Variants in PTPN2 observed in about 807,000 individuals in gnomAD.
PTPN2 encodes tyrosine-protein phosphatase non-receptor type 2.
A neutral mutation model predicts 57.3 loss-of-function variants in PTPN2; 19 were observed. The observed-to-expected ratio is 0.33, with a 90% confidence interval of 0.23 to 0.49. The LOEUF (loss-of-function observed/expected upper bound fraction) is 0.49, where lower values mean the gene tolerates loss of function less well. PTPN2 is among the 20% of genes least tolerant of loss of function. PTPN2 has a pLI of 0.99. For missense variants in PTPN2, 358 were observed against 501.1 expected (o/e 0.71, Z 2.73); for synonymous variants, 153 against 164.9 (o/e 0.93, Z 0.55).
intron 1 of PTPN2, among the ~76,000 whole-genome samples, chr18:12,870,439 GTGTAT>G (rs2044205818): frequency 3.3e-5 from 1 of 30,368 alleles, no homozygotes; most frequent in Non-Finnish European, 4.6e-5. Context: ...ATATATATAT[GTGTAT>G]ATATATATAT....
intron 5 of PTPN2, 101 bp from the exon 6 acceptor site, chr18:12,817,466 T>C (rs1322185930): frequency 9.4e-6 from 8 of 849,962 alleles, no homozygotes; most frequent in Non-Finnish European, 1.5e-5. Flanking sequence ...TAAAGCCATA[T>C]AGGCTGTTTA....
In PTPN2 at chr18:12,807,098, C is replaced by T. The variant is rs571671054; in HGVS notation, c.859-4947G>A. Among the ~76,000 whole-genome samples the T allele has an allele frequency of 4.5e-4, 69 of 152,022 alleles. No homozygotes were observed. The South Asian group carries it at 0.014, about 30-fold the overall frequency. On this transcript the variant is annotated intron_variant, in intron 7 of 8. Transcript: ENST00000309660. ...AAACAAAATTCAATAGCAGAAAACA[C>T]AAGTAATCCAATTAAAAATAGGTAA... is the stretch of plus-strand genomic sequence containing the variant.
chr18:12,829,003 T>G (rs543889521), intron 4 of PTPN2, among the ~76,000 whole-genome samples: 3 of 152,258 alleles, frequency 2.0e-5, no homozygotes, highest in African/African-American at 7.2e-5. Context: ...CCTCAAGTGA[T>G]CCTCCTGCCT....
intron 7 of PTPN2, among the ~76,000 whole-genome samples, chr18:12,804,304 A>AAG (rs2041547546): frequency 2.0e-5 from 3 of 150,650 alleles, no homozygotes; most frequent in Admixed American, 6.6e-5. Flanking sequence ...AAAAAAAAAA[A>AAG]AAAAAGAAAA....
At chr18:12,813,186 AT>A (rs2041956028) in intron 7 of PTPN2, among the ~76,000 whole-genome samples, 1 of 152,148 alleles carries the variant, frequency 6.6e-6, no homozygotes, top group Non-Finnish European at 1.5e-5. Context: ...TGAACTCCAG[AT>A]TTAAGTTGGT....
Position 12,884,220 on chromosome 18 carries a change from T to A in PTPN2, c.-79A>T. 1 of 1,169,892 alleles carries A rather than the reference T, an allele frequency of 8.5e-7. No homozygotes were observed. Among genetic ancestry groups the A allele is most frequent in the Non-Finnish European group, 1.1e-6 (1 of 874,764 alleles). 72.5% of individuals were successfully genotyped at this position (1,169,892 alleles called of 1,614,324 possible). A position where few individuals can be genotyped will look rare whatever the true frequency, so the allele number is the denominator to read the frequency against. On this transcript the variant is annotated 5_prime_UTR_variant, in exon 1 of 9. Coordinates refer to ENST00000309660, the MANE Select transcript of PTPN2 (RefSeq NM_002828.4). ...GCCCCGCACGATCCGGGGAGAGCGCTGGCGCTGCGGCGCATGCGCGCTGCG... is the reference window on the plus strand; with the variant it reads ...GCCCCGCACGATCCGGGGAGAGCGCAGGCGCTGCGGCGCATGCGCGCTGCG...
Position 12,866,537 on chromosome 18 carries a change from C to G in PTPN2, c.70-7283G>C, listed in dbSNP as rs147522339. 3.7e-4 allele frequency among the ~76,000 whole-genome samples: 56 copies of G among 152,220 alleles called. 1 individual carries two copies. The highest frequency in any genetic ancestry group is 1.3e-3 in the African/African-American group (54 of 41,524). ...AGACCAGGACAGGGAAATCTGGAGA[C>G]AGAAAGTAGATTAGTGGTTGTCAGG... is the stretch of plus-strand genomic sequence containing the variant. On this transcript the variant is annotated intron_variant, in intron 1 of 8. Transcript: ENST00000309660.
At position 12,800,124 on chromosome 18, in the gene PTPN2, AC is replaced by A. The variant is rs530938286; in HGVS notation, c.1040+1845del. On this transcript the variant is annotated intron_variant, in intron 8 of 8. Transcript: ENST00000309660. ...TACAGGCACATAAACACACACACAGACCCCATAAAACAGTCTTCTGCAATCA... is the reference window on the plus strand; with the variant it reads ...TACAGGCACATAAACACACACACAGACCCATAAAACAGTCTTCTGCAATCA... Among the ~76,000 whole-genome samples, 32 of 152,150 alleles carry A rather than the reference AC, an allele frequency of 2.1e-4. 1 individual carries two copies. The South Asian group carries it at 6.6e-3, about 32-fold the overall frequency.
intron 1 of PTPN2, among the ~76,000 whole-genome samples, chr18:12,882,664 G>A (rs568292342): frequency 6.6e-6 from 1 of 152,318 alleles, no homozygotes; most frequent in East Asian, 1.9e-4. Context: ...ATAATTGGAA[G>A]AGTCCTTACC....
At chr18:12,845,321 T>C (rs973955142) in intron 2 of PTPN2, among the ~76,000 whole-genome samples, 8 of 152,174 alleles carry the variant, frequency 5.3e-5, no homozygotes, top group Admixed American at 2.6e-4. Flanking sequence ...ATGAACATGG[T>C]AGGCCTTTTT....
intron 7 of PTPN2, among the ~76,000 whole-genome samples, chr18:12,806,055 A>C (rs79893779): frequency 0.098 from 14,863 of 152,202 alleles, 987 homozygotes; most frequent in Non-Finnish European, 0.15. Flanking sequence ...CAGAAGACAT[A>C]ATCTTATGTA....
In PTPN2 at chr18:12,794,062, T is replaced by C. The variant is rs763187298; in HGVS notation, c.*216A>G. On this transcript the variant is annotated 3_prime_UTR_variant, in exon 9 of 9. Transcript: ENST00000309660. ...AGTTTTTAACAAACATGAATGTCTT[T>C]ATTTTAGACAGCCATTTACAGTTTG... 701 of 1,410,968 alleles carry C rather than the reference T, an allele frequency of 5.0e-4. 1 individual carries two copies. The highest frequency in any genetic ancestry group is 6.1e-4 in the Non-Finnish European group (668 of 1,088,894). 87.4% of individuals were successfully genotyped at this position (1,410,968 alleles called of 1,614,324 possible).
intron 7 of PTPN2, among the ~76,000 whole-genome samples, chr18:12,807,586 A>AAAAAAAAAATATATATAT: frequency 5.7e-5 from 2 of 35,196 alleles, no homozygotes; most frequent in East Asian, 1.4e-3. Context: ...AAAAAAAAAA[A>AAAAAAAAAATATATATAT]ATATATATAT....
At chr18:12,870,560 G>C (rs937905412) in intron 1 of PTPN2, among the ~76,000 whole-genome samples, 2 of 135,328 alleles carry the variant, frequency 1.5e-5, no homozygotes, top group Non-Finnish European at 3.1e-5. Flanking sequence ...CCAGGCTGGA[G>C]TGCAGTGGCG....
intron 8 of PTPN2, among the ~76,000 whole-genome samples, chr18:12,799,574 T>TG (rs1319548827): frequency 6.7e-6 from 1 of 150,206 alleles, no homozygotes; most frequent in African/African-American, 2.5e-5. Flanking sequence ...CCTGATCCTA[T>TG]GCTCTTCTTT....
At position 12,859,152 on chromosome 18, in the gene PTPN2, A is replaced by C. The variant is rs2043700999; in HGVS notation, c.160+12T>G. On this transcript the variant is annotated intron_variant, in intron 2 of 8. Coordinates refer to ENST00000309660, the MANE Select transcript of PTPN2 (RefSeq NM_002828.4). ...AAAAAATACACATGCACACAAACCC[A>C]CAAGTACTTACATGGGCTTACATCT... 1 of 1,606,052 alleles carries C rather than the reference A, an allele frequency of 6.2e-7. No individual in the cohort carries two copies. Among genetic ancestry groups the C allele is most frequent in the Non-Finnish European group, 8.5e-7 (1 of 1,173,430 alleles).
At chr18:12,787,390 A>C (rs2040869564), downstream of PTPN2, 1 of 152,214 alleles carries the variant, frequency 6.6e-6, no homozygotes, top group South Asian at 2.1e-4. Flanking sequence ...TCTTTGACTC[A>C]GTTTTCTCAT....
intron 3 of PTPN2, among the ~76,000 whole-genome samples, chr18:12,832,068 C>G (rs753065628): frequency 1.1e-4 from 16 of 152,100 alleles, no homozygotes; most frequent in African/African-American, 3.9e-4. Flanking sequence ...GCTAGGGCTG[C>G]CCAGAGCTTC....
chr18:12,852,191 AACAC>A (rs139964591), intron 2 of PTPN2, among the ~76,000 whole-genome samples: 3,713 of 140,484 alleles, frequency 0.026, 128 homozygotes, highest in African/African-American at 0.077. Context: ...ATGGGTTTTT[AACAC>A]ACACACACAC....
Sources: gnomAD v4.1 joint callset for allele counts (sites outside exome capture counted in the v4.1 genomes callset) on GRCh38, gnomAD v4.1.1 for gene constraint, MANE v1.5 for transcripts, NCBI Gene and HGNC (gene_info 2026-07-23, HGNC 2026-07-21) for gene names.